TNKS: variants seen among roughly 807,000 people sequenced by gnomAD.
TNKS encodes the protein poly [ADP-ribose] polymerase tankyrase-1.
Under a neutral mutation model 135.8 loss-of-function variants are expected in TNKS, and 72 were observed. The ratio of observed to expected loss-of-function variants is 0.53; its 90% confidence interval spans 0.44 to 0.64. TNKS has a LOEUF of 0.64. Ranked by LOEUF, TNKS falls within the 30% of genes least tolerant of loss-of-function variation. TNKS has a pLI of 0.00. For synonymous variants in TNKS, 849 were observed against 649.3 expected (o/e 1.31, Z -4.68); for missense variants, 1,769 against 1,674.0 (o/e 1.06, Z -0.99).
At chr8:9,567,221 C>T (rs745935704) in intron 1 of TNKS, among the ~76,000 whole-genome samples, 9 of 152,206 alleles carry the variant, frequency 5.9e-5, no homozygotes, top group Non-Finnish European at 1.3e-4. Flanking sequence ...TCCAGTCCTT[C>T]TCTTAGGCAT....
At position 9,726,502 on chromosome 8, in the gene TNKS, T is replaced by G. The variant is rs554730656; in HGVS notation, c.1922-139T>G. 16 of 592,782 alleles carry G rather than the reference T, an allele frequency of 2.7e-5. No individual in the cohort carries two copies. In the East Asian group the frequency reaches 3.6e-4, roughly 13 times the overall value. 36.7% of individuals were successfully genotyped at this position (592,782 alleles called of 1,614,324 possible). ...CTATGGCAAAGTTTTGCTACAACAT[T>G]TAGTAAAACCAAACTAAATAATTTT... is the stretch of plus-strand genomic sequence containing the variant. On this transcript the variant is annotated intron_variant, in intron 12 of 26. Transcript: ENST00000310430.
rs758687574 is a variant in TNKS, at chr8:9,642,685, T to A, written c.994+27008T>A. ...TCATTTTTCTTTTTTTAGCCCTAAATTCTCATCAGATCTTTGCTGTAGATA... is the reference window on the plus strand; with the variant it reads ...TCATTTTTCTTTTTTTAGCCCTAAAATCTCATCAGATCTTTGCTGTAGATA... On this transcript the variant is annotated intron_variant, in intron 3 of 26. Coordinates refer to ENST00000310430, the MANE Select transcript of TNKS (RefSeq NM_003747.3). 2.7e-5 allele frequency among the ~76,000 whole-genome samples: 4 copies of A among 146,248 alleles called. 2 individuals are homozygous for A. The highest frequency in any genetic ancestry group is 5.1e-5 in the African/African-American group (2 of 39,584).
At chr8:9,618,789 G>C (rs1160611674) in intron 3 of TNKS, among the ~76,000 whole-genome samples, 1 of 152,166 alleles carries the variant, frequency 6.6e-6, no homozygotes, top group Non-Finnish European at 1.5e-5. Flanking sequence ...TTGCTACTTA[G>C]AGATAACATT....
intron 1 of TNKS, among the ~76,000 whole-genome samples, chr8:9,568,725 T>C (rs557214244): frequency 1.3e-5 from 2 of 152,276 alleles, no homozygotes; most frequent in East Asian, 1.9e-4. Flanking sequence ...ATGAAGAAAA[T>C]CCTTCTTCAA....
intron 2 of TNKS, among the ~76,000 whole-genome samples, chr8:9,594,043 C>T (rs372648047): frequency 2.2e-4 from 33 of 152,188 alleles, no homozygotes; most frequent in South Asian, 1.9e-3. Flanking sequence ...CCCGCCACCA[C>T]GCATGGCTAT....
intron 3 of TNKS, among the ~76,000 whole-genome samples, chr8:9,624,276 C>G (rs1490372428): frequency 6.6e-6 from 1 of 152,124 alleles, no homozygotes; most frequent in African/African-American, 2.4e-5. Flanking sequence ...CAGCTACAAC[C>G]AAATTGGTAT....
At chr8:9,563,949 A>T (rs1307576252) in intron 1 of TNKS, among the ~76,000 whole-genome samples, 1 of 152,200 alleles carries the variant, frequency 6.6e-6, no homozygotes, top group African/African-American at 2.4e-5. Context: ...TAGTTAAGGT[A>T]ATCCCCCCTG....
rs772086915 is a variant in TNKS, at chr8:9,766,229, G to T, written c.3554-10G>T. ...TTCAAAAACGAATCTTTCTGTCTTC[G>T]TATTTCTAGGTTCTCCTTTCATTAA... On this transcript the variant is annotated splice_polypyrimidine_tract_variant and intron_variant, in intron 24 of 26. Coordinates refer to ENST00000310430, the MANE Select transcript of TNKS (RefSeq NM_003747.3). 5 of 1,590,246 alleles carry T rather than the reference G, an allele frequency of 3.1e-6. No homozygotes were observed. The highest frequency in any genetic ancestry group is 4.3e-6 in the Non-Finnish European group (5 of 1,165,344).
intron 3 of TNKS, chr8:9,679,705 T>C (rs1029534298): frequency 6.7e-6 from 3 of 448,470 alleles, no homozygotes; most frequent in African/African-American, 2.0e-5. Flanking sequence ...TTAGCATTCA[T>C]TGGTTGTCTG....
intron 26 of TNKS, among the ~76,000 whole-genome samples, chr8:9,772,767 T>C (rs961225448): frequency 2.0e-5 from 3 of 151,610 alleles, no homozygotes; most frequent in South Asian, 2.1e-4. Context: ...TGATGATGTA[T>C]ATAACTTGTA....
intron 20 of TNKS, among the ~76,000 whole-genome samples, chr8:9,761,036 G>T (rs929398833): frequency 1.3e-5 from 2 of 152,114 alleles, no homozygotes; most frequent in African/African-American, 2.4e-5. Flanking sequence ...TCTTAGCACT[G>T]AGAAGTTCTT....
intron 3 of TNKS, among the ~76,000 whole-genome samples, chr8:9,672,660 A>G (rs1325358570): frequency 2.1e-5 from 3 of 140,778 alleles, no homozygotes; most frequent in African/African-American, 7.8e-5. Flanking sequence ...ATGGTAAAAA[A>G]AAAAAAAAAA....
chr8:9,570,879 G>C (rs941718352), intron 1 of TNKS, among the ~76,000 whole-genome samples: 1 of 152,156 alleles, frequency 6.6e-6, no homozygotes, highest in Non-Finnish European at 1.5e-5. Flanking sequence ...TGAGGTGGGA[G>C]AATCACTTGA....
At chr8:9,766,986 G>C (rs1807487451) in intron 25 of TNKS, among the ~76,000 whole-genome samples, 1 of 152,180 alleles carries the variant, frequency 6.6e-6, no homozygotes, top group African/African-American at 2.4e-5. Context: ...CCTGCATCTT[G>C]GCTTTCTCCC....
At chr8:9,724,947 TACTC>T (rs1210814520) in intron 12 of TNKS, among the ~76,000 whole-genome samples, 2 of 123,412 alleles carry the variant, frequency 1.6e-5, no homozygotes, top group Non-Finnish European at 3.5e-5. Context: ...CATCGAAAAA[TACTC>T]AGTTATAACT....
chr8:9,677,106 TC>T (rs1197602690), intron 3 of TNKS, among the ~76,000 whole-genome samples: 1 of 152,214 alleles, frequency 6.6e-6, no homozygotes. Context: ...TGTTAGCTGT[TC>T]CTGGGAGCTA....
At chr8:9,589,412 G>A (rs1456181709) in intron 2 of TNKS, among the ~76,000 whole-genome samples, 1 of 152,210 alleles carries the variant, frequency 6.6e-6, no homozygotes, top group African/African-American at 2.4e-5. Flanking sequence ...AAACACACCA[G>A]TCAGGAAAAC....
intron 18 of TNKS, 29 bp from the exon 19 acceptor site, chr8:9,751,580 A>G: frequency 6.3e-7 from 1 of 1,591,082 alleles, no homozygotes. Flanking sequence ...TAGTATTTTC[A>G]TGGTTTTTGT....
At chr8:9,564,641 C>A (rs6990590) in intron 1 of TNKS, among the ~76,000 whole-genome samples, 43,139 of 151,976 alleles carry the variant, frequency 0.28, 6,440 homozygotes, top group East Asian at 0.39. Context: ...TGCTTCTTAC[C>A]TTTTTATTTT....
Sources: gnomAD v4.1 joint callset for allele counts (sites outside exome capture counted in the v4.1 genomes callset) on GRCh38, gnomAD v4.1.1 for gene constraint, MANE v1.5 for transcripts, NCBI Gene and HGNC (gene_info 2026-07-23, HGNC 2026-07-21) for gene names.